The following COL9A1 variants were observed in gnomAD, a reference collection of about 807,000 sequenced individuals.
COL9A1 encodes collagen alpha-1(IX) chain.
Under a neutral mutation model 142.6 loss-of-function variants are expected in COL9A1, and 104 were observed. The ratio of observed to expected loss-of-function variants is 0.73; its 90% CI spans 0.62 to 0.86. The LOEUF is 0.86. Among genes scored for constraint, COL9A1 ranks in the 40% least tolerant of loss-of-function variants. COL9A1 has a pLI of 0.00. For missense variants in COL9A1, 1,210 were observed against 1,176.6 expected, an observed-to-expected ratio of 1.03 and a Z score of -0.42; for synonymous variants, 466 against 396.0, an observed-to-expected ratio of 1.18 and a Z score of -2.10.
chr6:70,244,804 ATTTTCTCTGTCTTTTC>A, intron 28 of COL9A1, among the ~76,000 whole-genome samples: 1 of 140,780 alleles, frequency 7.1e-6, no homozygotes, highest in South Asian at 2.1e-4. Context: ...CTGGACTCTT[ATTTTCTCTGTCTTTTC>A]TAAGTTCTTA....
intron 36 of COL9A1, among the ~76,000 whole-genome samples, chr6:70,232,297 C>A (rs1444217808): frequency 6.6e-6 from 1 of 152,098 alleles, no homozygotes; most frequent in Admixed American, 6.5e-5. Context: ...ATCCCATTAT[C>A]TTTGTTTTGA....
intron 18 of COL9A1, among the ~76,000 whole-genome samples, chr6:70,266,511 G>A (rs913794894): frequency 6.6e-6 from 1 of 152,160 alleles, no homozygotes; most frequent in Non-Finnish European, 1.5e-5. Flanking sequence ...TGCCTTATTT[G>A]TAAGTGTTTT....
chr6:70,268,130 A>G (rs1299775221), intron 17 of COL9A1, among the ~76,000 whole-genome samples: 1 of 152,202 alleles, frequency 6.6e-6, no homozygotes, highest in Non-Finnish European at 1.5e-5. Context: ...CAGTTTTTCA[A>G]AATTTTTTTA....
intron 21 of COL9A1, among the ~76,000 whole-genome samples, chr6:70,255,934 T>C (rs1771261339): frequency 6.6e-6 from 1 of 152,248 alleles, no homozygotes; most frequent in South Asian, 2.1e-4. Flanking sequence ...GGCTCCCTAT[T>C]GCTACTGGAT....
At chr6:70,254,919 CAG>C in intron 24 of COL9A1, 42 bp downstream of exon 24, 1 of 1,575,210 alleles carries the variant, frequency 6.3e-7, no homozygotes, top group Non-Finnish European at 8.7e-7. Context: ...TTGGCCAGGG[CAG>C]AGACAGCCCC....
intron 35 of COL9A1, among the ~76,000 whole-genome samples, chr6:70,233,359 A>G (rs577048632): frequency 3.9e-5 from 6 of 152,328 alleles, no homozygotes; most frequent in African/African-American, 1.4e-4. Context: ...GACAACAAAC[A>G]TTAAAAATAA....
intron 5 of COL9A1, among the ~76,000 whole-genome samples, chr6:70,291,126 A>G (rs986174656): frequency 6.6e-6 from 1 of 152,156 alleles, no homozygotes; most frequent in East Asian, 1.9e-4. Context: ...AAAATAGGCC[A>G]TAAAATTAAA....
At chr6:70,260,430 C>T (rs998754983) in intron 20 of COL9A1, among the ~76,000 whole-genome samples, 1 of 151,780 alleles carries the variant, frequency 6.6e-6, no homozygotes, top group Non-Finnish European at 1.5e-5. Context: ...GTAATCCCAG[C>T]TGCTCTACTC....
chr6:70,225,931 C>T lies in COL9A1; in HGVS notation c.2581+1G>A. On this transcript the variant is annotated splice_donor_variant, in intron 37 of 37. Transcript: ENST00000357250. LOFTEE classifies it high-confidence loss of function. ...TCCTCTCAGCTATACAACACACTTA[C>T]CTGGGAGACCTATAGCTCCAGGCAA... The T allele has an allele frequency of 1.2e-6, 2 of 1,613,726 alleles. No individual in the cohort carries two copies. Among genetic ancestry groups the T allele is most frequent in the Non-Finnish European group, 1.7e-6 (2 of 1,179,702 alleles).
chr6:70,230,819 C>G (rs1363282125), intron 36 of COL9A1, among the ~76,000 whole-genome samples: 2 of 152,190 alleles, frequency 1.3e-5, no homozygotes, highest in Non-Finnish European at 2.9e-5. Context: ...TGGTTTTAAG[C>G]TCCTCAGGCA....
chr6:70,264,783 T>C (rs1771909781), intron 18 of COL9A1, among the ~76,000 whole-genome samples: 1 of 152,136 alleles, frequency 6.6e-6, no homozygotes, highest in African/African-American at 2.4e-5. Flanking sequence ...ATTGACCTGC[T>C]GTATGATGTT....
chr6:70,261,661 A>G (rs1771695742), intron 19 of COL9A1, among the ~76,000 whole-genome samples: 1 of 152,258 alleles, frequency 6.6e-6, no homozygotes, highest in African/African-American at 2.4e-5. Context: ...TCAAATATGC[A>G]GGATGATCCA....
At chr6:70,297,782 A>T (rs1773897668) in intron 4 of COL9A1, among the ~76,000 whole-genome samples, 1 of 152,208 alleles carries the variant, frequency 6.6e-6, no homozygotes, top group African/African-American at 2.4e-5. Context: ...TTTTAAGGAA[A>T]ATAAACATAA....
In COL9A1 at chr6:70,300,149, C is replaced by T; in HGVS notation, c.193G>A (p.Val65Ile). ...PGFDLISQFQ[V>I]DKAASRRAIQ... ...GCTCTTCTAGATGCTGCTTTATCTA[C>T]CTGGAACTGAGAGATCAGATCAAAC... The change falls in exon 4 of 38, where the codon GTA (valine) becomes ATA (isoleucine). Residue 65 changes from valine (V) to isoleucine (I), a missense_variant. Val to Ile is a conservative substitution (Grantham distance 29). Transcript: ENST00000357250. 1 of 1,613,774 alleles carries T rather than the reference C, an allele frequency of 6.2e-7. No individual in the cohort carries two copies. Among genetic ancestry groups the T allele is most frequent in the Non-Finnish European group, 8.5e-7 (1 of 1,179,860 alleles).
chr6:70,271,773 A>G, intron 13 of COL9A1, 65 bp from the exon 14 acceptor site: 1 of 1,399,826 alleles, frequency 7.1e-7, no homozygotes, highest in Non-Finnish European at 1.0e-6. Context: ...CATACATTAT[A>G]TCAAATATGA....
At chr6:70,270,710 AACCTATACTGCTAGTGCC>A (rs1331013338) in intron 14 of COL9A1, among the ~76,000 whole-genome samples, 1 of 152,216 alleles carries the variant, frequency 6.6e-6, no homozygotes, top group East Asian at 1.9e-4. Context: ...GACCTAGAGC[AACCTATACTGCTAGTGCC>A]ATTCTGCTAA....
At chr6:70,220,982 C>T (rs953126825) in intron 37 of COL9A1, among the ~76,000 whole-genome samples, 1 of 151,940 alleles carries the variant, frequency 6.6e-6, no homozygotes, top group Non-Finnish European at 1.5e-5. Flanking sequence ...TACTAATTAC[C>T]CTAATCTGGT....
At chr6:70,266,691 A>G in intron 18 of COL9A1, 26 bp downstream of exon 18, 5 of 1,577,794 alleles carry the variant, frequency 3.2e-6, no homozygotes, top group Non-Finnish European at 4.4e-6. Context: ...ATCACAATTT[A>G]TCCACTAAAT....
intron 7 of COL9A1, 46 bp downstream of exon 7, chr6:70,282,852 C>T (rs1267547522): frequency 1.2e-6 from 2 of 1,613,946 alleles, no homozygotes; most frequent in African/African-American, 1.3e-5. Context: ...CCGACCTGTC[C>T]TCGTGTGCGC....
Sources: allele counts gnomAD v4.1 joint callset (sites outside exome capture counted in the v4.1 genomes callset), GRCh38; gene constraint gnomAD v4.1.1; transcripts MANE v1.5; gene names NCBI Gene and HGNC (gene_info 2026-07-23, HGNC 2026-07-21).